Variants in SNX29 observed in about 807,000 individuals in gnomAD.
The protein encoded by SNX29 is sorting nexin-29.
A neutral mutation model predicts 102.1 loss-of-function variants in SNX29; 78 were observed. The ratio of observed to expected loss-of-function variants is 0.76; its 90% CI spans 0.64 to 0.92. The LOEUF is 0.92. Ranked by LOEUF, SNX29 falls within the 40% of genes least tolerant of loss-of-function variation. The pLI, the probability that SNX29 is intolerant of heterozygous loss-of-function variation, is 0.00. For synonymous variants in SNX29, 580 were observed against 414.5 expected (o/e 1.40, Z -4.85); for missense variants, 1,280 against 1,061.7 (o/e 1.21, Z -2.86).
chr16:12,560,526 G>A (rs1007759578), intron 20 of SNX29, among the ~76,000 whole-genome samples: 1 of 152,134 alleles, frequency 6.6e-6, no homozygotes, highest in African/African-American at 2.4e-5. Flanking sequence ...CACCTTCCAA[G>A]ACCATTTCTA....
intron 19 of SNX29, among the ~76,000 whole-genome samples, chr16:12,524,369 C>G (rs1283641094): frequency 2.6e-5 from 4 of 151,776 alleles, no homozygotes; most frequent in Non-Finnish European, 4.4e-5. Flanking sequence ...TCCACGAAGG[C>G]CACAGCAGTG....
intron 11 of SNX29, among the ~76,000 whole-genome samples, chr16:12,123,762 T>A (rs2054082449): frequency 6.6e-6 from 1 of 152,158 alleles, no homozygotes; most frequent in African/African-American, 2.4e-5. Context: ...ACTTGCGATG[T>A]TCTCCTAAGA....
At chr16:12,320,123 A>G (rs1361796690) in intron 15 of SNX29, among the ~76,000 whole-genome samples, 1 of 152,144 alleles carries the variant, frequency 6.6e-6, no homozygotes, top group Non-Finnish European at 1.5e-5. Context: ...CAAAGTAATC[A>G]CTACTGTGCT....
chr16:12,572,729 G>T lies in SNX29; in HGVS notation c.*4100G>T, dbSNP rs771858893. Reference sequence around the variant, plus strand: ...TTCCAGCCTTGGCACAGAACTGATGGCAAAGGAAGGGCTGGGTTTTCAGCT... The same window carrying T: ...TTCCAGCCTTGGCACAGAACTGATGTCAAAGGAAGGGCTGGGTTTTCAGCT... On this transcript the variant is annotated 3_prime_UTR_variant, in exon 21 of 21. Transcript: ENST00000566228. 15 of 1,063,860 alleles carry T rather than the reference G, an allele frequency of 1.4e-5. No individual in the cohort carries two copies. The highest frequency in any genetic ancestry group is 1.6e-5 in the Non-Finnish European group (14 of 878,460). The allele number at this position is 1,063,860 out of a possible 1,614,324, so 65.9% of individuals were successfully genotyped here.
At chr16:12,280,574 A>G (rs957726154) in intron 15 of SNX29, among the ~76,000 whole-genome samples, 5 of 152,110 alleles carry the variant, frequency 3.3e-5, no homozygotes, top group African/African-American at 1.2e-4. Flanking sequence ...GCTGTGGTCA[A>G]CGAGCTGAGA....
At chr16:12,376,670 G>C (rs2082884081) in intron 16 of SNX29, among the ~76,000 whole-genome samples, 1 of 147,144 alleles carries the variant, frequency 6.8e-6, no homozygotes, top group African/African-American at 2.5e-5. Flanking sequence ...CTGGGAGGCA[G>C]AGGTTGCAGT....
intron 20 of SNX29, among the ~76,000 whole-genome samples, chr16:12,562,966 AGG>A (rs909281173): frequency 7.0e-6 from 1 of 142,170 alleles, no homozygotes; most frequent in African/African-American, 2.8e-5. Flanking sequence ...ACCCAACACA[AGG>A]GGTGAGGGCT....
intron 20 of SNX29, among the ~76,000 whole-genome samples, chr16:12,566,404 A>G (rs1231913906): frequency 8.5e-6 from 1 of 117,832 alleles, no homozygotes. Flanking sequence ...AGGCACTCTC[A>G]GAGCCTGTTA....
chr16:12,298,994 T>C (rs1335177020), intron 15 of SNX29, among the ~76,000 whole-genome samples: 2 of 122,264 alleles, frequency 1.6e-5, no homozygotes, highest in African/African-American at 8.6e-5. Context: ...CCAATGAGTC[T>C]TTAAAAAAAA....
At chr16:12,013,530 T>G (rs1217950361) in intron 3 of SNX29, among the ~76,000 whole-genome samples, 2 of 115,734 alleles carry the variant, frequency 1.7e-5, no homozygotes, top group African/African-American at 6.5e-5. Context: ...TATATATATA[T>G]ATATATATAT....
intron 16 of SNX29, among the ~76,000 whole-genome samples, chr16:12,366,115 A>AT (rs2082471833): frequency 6.6e-6 from 1 of 150,464 alleles, no homozygotes; most frequent in Non-Finnish European, 1.5e-5. Flanking sequence ...TGCTTCATAT[A>AT]TTTTTAAAAA....
At chr16:12,376,459 G>C (rs1410463330) in intron 16 of SNX29, among the ~76,000 whole-genome samples, 3 of 152,170 alleles carry the variant, frequency 2.0e-5, no homozygotes, top group Non-Finnish European at 4.4e-5. Context: ...GCAGGGGCCA[G>C]GCATGGTGGC....
At chr16:12,556,050 A>C (rs140405390) in intron 20 of SNX29, among the ~76,000 whole-genome samples, 369 of 151,938 alleles carry the variant, frequency 2.4e-3, no homozygotes, top group African/African-American at 8.3e-3. Context: ...AGTGACGCTT[A>C]AAGGGTGCTT....
At chr16:12,068,967 G>C (rs2051166286) in intron 9 of SNX29, 90 bp from the exon 10 acceptor site, 1 of 1,243,460 alleles carries the variant, frequency 8.0e-7, no homozygotes, top group African/African-American at 1.5e-5. Flanking sequence ...TGATGTAGCA[G>C]ATGAGCCAAT....
intron 15 of SNX29, among the ~76,000 whole-genome samples, chr16:12,283,544 C>T (rs750216017): frequency 6.6e-6 from 1 of 152,106 alleles, no homozygotes; most frequent in African/African-American, 2.4e-5. Context: ...TGGTCTTGAT[C>T]TCTTGACTTC....
At chr16:12,321,565 T>C (rs2080931405) in intron 15 of SNX29, among the ~76,000 whole-genome samples, 1 of 152,094 alleles carries the variant, frequency 6.6e-6, no homozygotes, top group South Asian at 2.1e-4. Context: ...TGCTTTGTTT[T>C]TGGAGCTGTG....
intron 20 of SNX29, among the ~76,000 whole-genome samples, chr16:12,567,786 C>T (rs978034642): frequency 3.9e-5 from 6 of 152,126 alleles, no homozygotes; most frequent in African/African-American, 1.2e-4. Flanking sequence ...TGAAAAAATG[C>T]AACCACATCA....
At chr16:12,182,078 G>A (rs559658082) in intron 13 of SNX29, among the ~76,000 whole-genome samples, 4 of 151,776 alleles carry the variant, frequency 2.6e-5, no homozygotes, top group Non-Finnish European at 5.9e-5. Context: ...TAGAGATGGG[G>A]TTTTTGCCAT....
rs2054122386 is a variant in SNX29, at chr16:12,124,521, T to C, written c.1403-2112T>C. Among the ~76,000 whole-genome samples the C allele has an allele frequency of 2.0e-5, 3 of 152,238 alleles. No homozygotes were observed. The South Asian group carries it at 6.2e-4, about 31-fold the overall frequency. ...ATTATTTCCTTAGCGGAGTTGGTCT[T>C]TTGTTTCATGTTAAGAAAGATGGCA... On this transcript the variant is annotated intron_variant, in intron 11 of 20. Transcript: ENST00000566228.
Sources: allele counts gnomAD v4.1 joint callset (sites outside exome capture counted in the v4.1 genomes callset), GRCh38; gene constraint gnomAD v4.1.1; transcripts MANE v1.5; gene names NCBI Gene and HGNC (gene_info 2026-07-23, HGNC 2026-07-21).